TRMT11: variants seen among roughly 807,000 people sequenced by gnomAD.
TRMT11 encodes tRNA (guanine(10)-N(2))-methyltransferase TRMT11.
TRMT11 carries 53 observed loss-of-function variants against 62.8 expected under a neutral mutation model. The observed-to-expected ratio is 0.84, with a 90% CI of 0.68 to 1.06. The LOEUF (loss-of-function observed/expected upper bound fraction) is 1.06. Ranked by LOEUF, TRMT11 falls within the 50% of genes least tolerant of loss-of-function variation. The probability of loss-of-function intolerance (pLI) is 0.00; values close to 1 mark genes in which losing one functional copy is unlikely to be tolerated. For missense variants in TRMT11, 556 were observed against 553.4 expected, an observed-to-expected ratio of 1.00 and a Z score of -0.05; for synonymous variants, 188 against 190.3, an observed-to-expected ratio of 0.99 and a Z score of 0.10.
chr6:126,234,100 C>A, the TRMT11 span, among the ~76,000 whole-genome samples: 1 of 152,004 alleles, frequency 6.6e-6, no homozygotes. Flanking sequence ...ATAGTCAAAC[C>A]TACGTCTCTG....
intron 2 of TRMT11, among the ~76,000 whole-genome samples, chr6:126,199,121 C>T (rs1296777074): frequency 6.6e-6 from 1 of 152,110 alleles, no homozygotes; most frequent in East Asian, 1.9e-4. Context: ...TGGTGTGTAG[C>T]TGGAAGTAAA....
At chr6:126,040,183 TG>T (rs566426615), downstream of TRMT11, among the ~76,000 whole-genome samples, 196 of 152,246 alleles carry the variant, frequency 1.3e-3, 1 homozygote, top group African/African-American at 4.3e-3. Flanking sequence ...GCCCCTTTTT[TG>T]GGTGGTCACA....
intron 3 of TRMT11, 62 bp downstream of exon 3, chr6:125,996,102 T>G: frequency 8.4e-7 from 1 of 1,184,934 alleles, no homozygotes; most frequent in East Asian, 2.4e-5. Flanking sequence ...CACTCAATCC[T>G]GTTTTTTGCT....
chr6:126,042,466 T>C (rs1044624369), downstream of TRMT11, among the ~76,000 whole-genome samples: 1 of 152,168 alleles, frequency 6.6e-6, no homozygotes, highest in Non-Finnish European at 1.5e-5. Context: ...TAGGGCTTAA[T>C]AGATGAATGT....
intron 17 of TRMT11, among the ~76,000 whole-genome samples, chr6:126,067,645 T>C (rs1221674286): frequency 6.6e-6 from 1 of 152,230 alleles, no homozygotes; most frequent in East Asian, 1.9e-4. Flanking sequence ...GCTGTAAACA[T>C]TCTTTTACAT....
At chr6:126,055,830 A>T (rs1776356424) in intron 17 of TRMT11, among the ~76,000 whole-genome samples, 1 of 152,148 alleles carries the variant, frequency 6.6e-6, no homozygotes, top group Admixed American at 6.5e-5. Flanking sequence ...TTTTATTTAA[A>T]TTTTTTGAAT....
intron 21 of TRMT11, among the ~76,000 whole-genome samples, chr6:126,159,336 C>G (rs1387046543): frequency 2.6e-5 from 4 of 152,144 alleles, no homozygotes; most frequent in African/African-American, 9.7e-5. Context: ...TCTGTCATGA[C>G]TATGGTACTC....
At chr6:126,074,556 G>A (rs1776955470) in intron 17 of TRMT11, among the ~76,000 whole-genome samples, 1 of 152,042 alleles carries the variant, frequency 6.6e-6, no homozygotes, top group Non-Finnish European at 1.5e-5. Context: ...CTAGGAGTTA[G>A]CTTTTTATTA....
chr6:126,223,483 G>A, the TRMT11 span, among the ~76,000 whole-genome samples: 1 of 149,886 alleles, frequency 6.7e-6, no homozygotes, highest in Admixed American at 6.6e-5. Flanking sequence ...GCTGAATATA[G>A]GCCCCTGATG....
At chr6:126,201,290 A>G (rs995428102) in intron 3 of TRMT11, among the ~76,000 whole-genome samples, 15 of 152,230 alleles carry the variant, frequency 9.9e-5, no homozygotes, top group Non-Finnish European at 1.8e-4. Flanking sequence ...AGAAAATCCA[A>G]ATAGAAAAAA....
At chr6:126,121,794 G>C (rs1379747342) in intron 21 of TRMT11, among the ~76,000 whole-genome samples, 1 of 151,960 alleles carries the variant, frequency 6.6e-6, no homozygotes, top group Non-Finnish European at 1.5e-5. Flanking sequence ...GACTTTGCAG[G>C]GTAGTTAATT....
intron 1 of TRMT11, among the ~76,000 whole-genome samples, chr6:125,988,443 G>C (rs1790024828): frequency 6.6e-6 from 1 of 152,182 alleles, no homozygotes; most frequent in Admixed American, 6.5e-5. Context: ...GAGCTTGAGT[G>C]TATTTGTAGG....
chr6:126,191,569 A>G (rs993457722), intron 1 of TRMT11, among the ~76,000 whole-genome samples: 2 of 144,842 alleles, frequency 1.4e-5, no homozygotes, highest in African/African-American at 2.6e-5. Flanking sequence ...TAATCATATT[A>G]TAGTTTCAGG....
chr6:126,153,451 T>G (rs1778081354), intron 21 of TRMT11, among the ~76,000 whole-genome samples: 1 of 152,214 alleles, frequency 6.6e-6, no homozygotes, highest in Non-Finnish European at 1.5e-5. Context: ...TTCAAGATTT[T>G]TATAAAAATA....
chr6:126,060,966 A>G (rs554885546), intron 17 of TRMT11, among the ~76,000 whole-genome samples: 30 of 152,358 alleles, frequency 2.0e-4, no homozygotes, highest in Non-Finnish European at 3.7e-4. Flanking sequence ...GGCAGTTTCA[A>G]CTTCCTTCCC....
chr6:126,005,350 A>C (rs1193840365), intron 7 of TRMT11, among the ~76,000 whole-genome samples: 1 of 152,068 alleles, frequency 6.6e-6, no homozygotes, highest in Admixed American at 6.6e-5. Flanking sequence ...GCAAAGTTTA[A>C]ATCTTTTTAC....
intron 17 of TRMT11, among the ~76,000 whole-genome samples, chr6:126,109,054 A>G (rs549541554): frequency 3.9e-5 from 6 of 152,104 alleles, no homozygotes; most frequent in Non-Finnish European, 8.8e-5. Flanking sequence ...TTTTCTCTCT[A>G]TATAGACACT....
the TRMT11 span, among the ~76,000 whole-genome samples, chr6:126,212,602 A>G: frequency 1.3e-5 from 2 of 152,092 alleles, no homozygotes; most frequent in Non-Finnish European, 2.9e-5. Context: ...CTGTTCAGAT[A>G]TTTAGCCCAT....
At chr6:126,151,901 T>TTCC (rs1326065906) in intron 21 of TRMT11, among the ~76,000 whole-genome samples, 11,436 of 61,196 alleles carry the variant, frequency 0.19, 1,580 homozygotes, top group Non-Finnish European at 0.22. Flanking sequence ...TTTTTCTTTC[T>TTCC]TTTCTCTTTC....
Sources: allele counts gnomAD v4.1 joint callset (sites outside exome capture counted in the v4.1 genomes callset), GRCh38; gene constraint gnomAD v4.1.1; transcripts MANE v1.5; gene names NCBI Gene and HGNC (gene_info 2026-07-23, HGNC 2026-07-21).